Variants in WDPCP observed in about 807,000 individuals in gnomAD.
The protein encoded by WDPCP is WD repeat containing planar cell polarity effector.
Under a neutral mutation model 93.1 loss-of-function variants are expected in WDPCP, and 71 were observed. That is an observed-to-expected ratio of 0.76 (90% CI 0.63 to 0.93). The LOEUF is 0.93. WDPCP is among the 40% of genes least tolerant of loss of function. The pLI is 0.00. For synonymous variants in WDPCP, 315 were observed against 315.0 expected (o/e 1.00, Z 0.00); for missense variants, 844 against 887.4 (o/e 0.95, Z 0.62).
At chr2:63,204,031 T>C (rs1358571091) in intron 14 of WDPCP, among the ~76,000 whole-genome samples, 3 of 152,210 alleles carry the variant, frequency 2.0e-5, no homozygotes, top group Non-Finnish European at 2.9e-5. Context: ...GATATCTCTT[T>C]GATAGACTAA....
intron 13 of WDPCP, among the ~76,000 whole-genome samples, chr2:63,310,461 G>A (rs12615947): frequency 0.23 from 35,396 of 151,662 alleles, 5,550 homozygotes; most frequent in East Asian, 0.61. Flanking sequence ...TCTAAACAAG[G>A]AATCAGCAAA....
intron 13 of WDPCP, among the ~76,000 whole-genome samples, chr2:63,265,481 G>T (rs938367097): frequency 6.6e-6 from 1 of 152,038 alleles, no homozygotes; most frequent in South Asian, 2.1e-4. Context: ...AGGAAAGAAA[G>T]AAATAGAAAA....
At chr2:63,543,757 AC>A (rs1459588503) in intron 1 of WDPCP, among the ~76,000 whole-genome samples, 1 of 152,078 alleles carries the variant, frequency 6.6e-6, no homozygotes, top group African/African-American at 2.4e-5. Context: ...ATCAACAATT[AC>A]TCGATGAGAT....
intron 6 of WDPCP, among the ~76,000 whole-genome samples, chr2:63,444,404 G>A (rs74423864): frequency 0.02 from 3,093 of 152,238 alleles, 125 homozygotes; most frequent in African/African-American, 0.071. Context: ...ATATTGTAAA[G>A]GAGACAACTA....
intron 2 of WDPCP, among the ~76,000 whole-genome samples, chr2:63,777,036 G>T (rs1670314599): frequency 6.6e-6 from 1 of 152,122 alleles, no homozygotes; most frequent in African/African-American, 2.4e-5. Flanking sequence ...ATATGGTATT[G>T]TATATCTCAA....
intron 6 of WDPCP, chr2:63,441,781 G>A (rs894972245): frequency 4.6e-5 from 7 of 152,060 alleles, no homozygotes; most frequent in Non-Finnish European, 8.8e-5. Flanking sequence ...ATTCTACCAT[G>A]GGTCAGTTGT....
intron 6 of WDPCP, among the ~76,000 whole-genome samples, chr2:63,468,233 T>C (rs1186771613): frequency 6.6e-6 from 1 of 152,176 alleles, no homozygotes; most frequent in African/African-American, 2.4e-5. Flanking sequence ...TCTCCCCACC[T>C]ACTCCTGCTC....
At chr2:63,274,712 G>T (rs1431096144) in intron 13 of WDPCP, among the ~76,000 whole-genome samples, 1 of 152,136 alleles carries the variant, frequency 6.6e-6, no homozygotes, top group Non-Finnish European at 1.5e-5. Context: ...TACAGGAAAT[G>T]CATAAGTTCC....
At chr2:63,744,764 C>A (rs936036512) in intron 2 of WDPCP, among the ~76,000 whole-genome samples, 1 of 152,014 alleles carries the variant, frequency 6.6e-6, no homozygotes, top group East Asian at 1.9e-4. Context: ...CCAGAGAAAA[C>A]CCTCTGATTA....
intron 14 of WDPCP, among the ~76,000 whole-genome samples, chr2:63,220,834 T>C (rs1449037615): frequency 6.6e-6 from 1 of 152,182 alleles, no homozygotes; most frequent in Non-Finnish European, 1.5e-5. Flanking sequence ...GCATTAGCTA[T>C]ATTTATCCTG....
intron 3 of WDPCP, among the ~76,000 whole-genome samples, chr2:63,487,052 T>A (rs1012698617): frequency 1.3e-5 from 2 of 152,020 alleles, no homozygotes; most frequent in African/African-American, 4.8e-5. Flanking sequence ...ATTAGCAGGA[T>A]TAATCAGATA....
intron 15 of WDPCP, among the ~76,000 whole-genome samples, chr2:63,171,027 A>G (rs773854357): frequency 6.6e-6 from 1 of 152,154 alleles, no homozygotes; most frequent in East Asian, 1.9e-4. Flanking sequence ...TATGTACTAC[A>G]TAATGACCTT....
chr2:63,219,876 C>G (rs1271553880), intron 14 of WDPCP, among the ~76,000 whole-genome samples: 1 of 151,996 alleles, frequency 6.6e-6, no homozygotes, highest in Non-Finnish European at 1.5e-5. Flanking sequence ...GGTGGCAGCA[C>G]CTATAGTCCC....
At chr2:63,634,208 TG>T (rs1709897950) in intron 3 of WDPCP, among the ~76,000 whole-genome samples, 1 of 152,134 alleles carries the variant, frequency 6.6e-6, no homozygotes, top group Non-Finnish European at 1.5e-5. Context: ...GTGAAGGAAT[TG>T]AAAAAGATAG....
Position 63,404,646 on chromosome 2 carries a change from A to G in WDPCP, c.837T>C (p.Ser279=), listed in dbSNP as rs771117522. The G allele has an allele frequency of 4.3e-6, 7 of 1,614,116 alleles. No homozygotes were observed. The South Asian group carries it at 6.6e-5, about 15-fold the overall frequency. The change falls in exon 10 of 18, where the codon TCT becomes TCC. Residue 279 remains serine, a synonymous_variant. Coordinates refer to ENST00000272321, the MANE Select transcript of WDPCP (RefSeq NM_015910.7). ...CCAGTGGGTCCCATTCTGTGCGGAC[A>G]GAACTCAGAACCTGTTAAGAAATAT... is the stretch of plus-strand genomic sequence containing the variant. ...YAQGRLEVLS[S]VRTEWDPLDV... is the part of the protein sequence containing the mutation.
At chr2:63,326,838 AAC>A (rs1300484072) in intron 12 of WDPCP, among the ~76,000 whole-genome samples, 1 of 152,164 alleles carries the variant, frequency 6.6e-6, no homozygotes, top group African/African-American at 2.4e-5. Context: ...GTAAAGAAAA[AAC>A]AGTGTACCCT....
chr2:63,477,777 C>T (rs1700054689), intron 6 of WDPCP: 1 of 152,078 alleles, frequency 6.6e-6, no homozygotes, highest in Admixed American at 6.6e-5. Context: ...AATAGGGAAC[C>T]TAAAGGTCTA....
intron 17 of WDPCP, among the ~76,000 whole-genome samples, chr2:63,144,319 C>T (rs536621552): frequency 1.3e-5 from 2 of 151,974 alleles, no homozygotes; most frequent in East Asian, 3.9e-4. Flanking sequence ...CTCGCCCTGT[C>T]ACCCAGGCTG....
chr2:63,528,108 G>C (rs1703498700), intron 1 of WDPCP, among the ~76,000 whole-genome samples: 1 of 151,964 alleles, frequency 6.6e-6, no homozygotes, highest in African/African-American at 2.4e-5. Flanking sequence ...TGTAGATTCT[G>C]GATATTAGCC....
Sources: gnomAD v4.1 joint callset for allele counts (sites outside exome capture counted in the v4.1 genomes callset) on GRCh38, gnomAD v4.1.1 for gene constraint, MANE v1.5 for transcripts, NCBI Gene and HGNC (gene_info 2026-07-23, HGNC 2026-07-21) for gene names.